IQSEC1: variants seen among roughly 807,000 people sequenced by gnomAD.
IQSEC1 encodes the protein IQ motif and Sec7 domain ArfGEF 1.
Under a neutral mutation model 91.0 loss-of-function variants are expected in IQSEC1, and 31 were observed. The observed-to-expected ratio is 0.34, with a 90% CI of 0.26 to 0.46. IQSEC1 has a LOEUF of 0.46. Among genes scored for constraint, IQSEC1 ranks in the 20% least tolerant of loss-of-function variants. The pLI, the probability that IQSEC1 is intolerant of heterozygous loss-of-function variation, is 1.00. For synonymous variants in IQSEC1, 699 were observed against 662.6 expected, an observed-to-expected ratio of 1.05 and a Z score of -0.84; for missense variants, 1,388 against 1,575.6, an observed-to-expected ratio of 0.88 and a Z score of 2.02.
rs148897346 is a variant in IQSEC1 at position 12,943,348 on chromosome 3, G to T, written c.24-1483C>A. On this transcript the variant is annotated intron_variant, in intron 1 of 13. Transcript: ENST00000613206. ...ACGAGCTCATCCCGACTCGGAACTC[G>T]CAAGCCTTTTCACTGTGTGCAGACG... Among the ~76,000 whole-genome samples the T allele has an allele frequency of 2.0e-5, 3 of 152,226 alleles. No individual in the cohort carries two copies. In the South Asian group the frequency reaches 6.2e-4, roughly 31 times the overall value.
intron 1 of IQSEC1, among the ~76,000 whole-genome samples, chr3:13,034,657 TCTCTAAA>T (rs772879996): frequency 5.9e-5 from 9 of 152,316 alleles, no homozygotes; most frequent in Non-Finnish European, 1.2e-4. Flanking sequence ...TCAGCTGCTC[TCTCTAAA>T]CCAGCCGGAT....
In IQSEC1 at chr3:13,201,477, C is replaced by A. The variant is rs147679268; in HGVS notation, c.273-37344G>T. ...ACCTGACTAGCTGGAACTATAGTTG[C>A]ATACCACCAGGCCCAGCTAATTTTA... is the stretch of plus-strand genomic sequence containing the variant. On this transcript the variant is annotated intron_variant, in intron 1 of 15. Transcript: ENST00000648114. Among the ~76,000 whole-genome samples, 103 of 152,336 alleles carry A rather than the reference C, an allele frequency of 6.8e-4. No homozygotes were observed. In the Middle Eastern group the frequency reaches 0.01, roughly 15 times the overall value.
intron 1 of IQSEC1, among the ~76,000 whole-genome samples, chr3:13,265,505 C>T (rs59860460): frequency 6.6e-6 from 1 of 152,194 alleles, no homozygotes; most frequent in African/African-American, 2.4e-5. Context: ...GAGACCAAAA[C>T]CAAATACACG....
chr3:13,214,873 C>T lies in IQSEC1; in HGVS notation c.273-50740G>A, dbSNP rs369727390. Among the ~76,000 whole-genome samples the T allele has an allele frequency of 6.6e-6, 1 of 152,244 alleles. No individual in the cohort carries two copies. The highest frequency in any genetic ancestry group is 2.4e-5 in the African/African-American group (1 of 41,460). On this transcript the variant is annotated intron_variant, in intron 1 of 15. Transcript: ENST00000648114. The surrounding 1 kb of genome is among the most constrained non-coding windows in gnomAD (Gnocchi z 4.5). ...GTTTGCAGCTGAGCGCCAGGACCGA[C>T]GTCGGGCTCTGCTGAGCACTAGCCG...
At chr3:13,125,543 CG>C (rs1209109287) in intron 2 of IQSEC1, among the ~76,000 whole-genome samples, 2 of 152,208 alleles carry the variant, frequency 1.3e-5, no homozygotes, top group Non-Finnish European at 2.9e-5. Flanking sequence ...TGCAGTGTGG[CG>C]CTTGAGAACA....
chr3:13,105,639 C>T (rs908736422), intron 2 of IQSEC1, among the ~76,000 whole-genome samples: 8 of 152,164 alleles, frequency 5.3e-5, no homozygotes, highest in Admixed American at 1.3e-4. Context: ...CTCTGTATCA[C>T]GGGCATCTAA....
At chr3:13,153,919 C>T (rs1707040332) in intron 2 of IQSEC1, among the ~76,000 whole-genome samples, 2 of 151,990 alleles carry the variant, frequency 1.3e-5, no homozygotes. Flanking sequence ...TATGAGTGTG[C>T]CTGTGGCAAA....
chr3:13,176,581 C>T (rs1693734348), intron 1 of IQSEC1, among the ~76,000 whole-genome samples: 1 of 152,166 alleles, frequency 6.6e-6, no homozygotes, highest in South Asian at 2.1e-4. Flanking sequence ...CAAAACAAGC[C>T]CCAGGTCCCA....
intron 1 of IQSEC1, among the ~76,000 whole-genome samples, chr3:12,959,267 C>A (rs1245346619): frequency 6.6e-6 from 1 of 152,186 alleles, no homozygotes; most frequent in Non-Finnish European, 1.5e-5. Context: ...GGGAGGGTGG[C>A]AGGGGCGCAG....
At chr3:13,134,745 G>A (rs1225561319) in intron 2 of IQSEC1, among the ~76,000 whole-genome samples, 1 of 152,216 alleles carries the variant, frequency 6.6e-6, no homozygotes, top group African/African-American at 2.4e-5. Flanking sequence ...CCCAGCAGCA[G>A]GGCGTTCTCA....
chr3:13,011,198 G>A (rs920014415), intron 1 of IQSEC1, among the ~76,000 whole-genome samples: 2 of 152,136 alleles, frequency 1.3e-5, no homozygotes, highest in Non-Finnish European at 2.9e-5. Context: ...CATTTCCTGA[G>A]CCCCAGGCGT....
At chr3:12,985,699 CAAGT>C (rs1701700641) in intron 1 of IQSEC1, among the ~76,000 whole-genome samples, 1 of 152,074 alleles carries the variant, frequency 6.6e-6, no homozygotes, top group Non-Finnish European at 1.5e-5. Flanking sequence ...CCAAACTGCC[CAAGT>C]ATGTCTGGGA....
intron 2 of IQSEC1, among the ~76,000 whole-genome samples, chr3:13,114,637 C>A (rs759844868): frequency 6.6e-6 from 1 of 151,672 alleles, no homozygotes; most frequent in African/African-American, 2.4e-5. Context: ...ACTAAAAATA[C>A]AAAAAATTAG....
In IQSEC1 at chr3:12,953,764, ATGT is replaced by A. The variant is rs1035741528; in HGVS notation, c.24-11902_24-11900del. Among the ~76,000 whole-genome samples, 13 of 152,222 alleles carry A rather than the reference ATGT, an allele frequency of 8.5e-5. No individual in the cohort carries two copies. In the East Asian group the frequency reaches 2.1e-3, roughly 25 times the overall value. On this transcript the variant is annotated intron_variant, in intron 1 of 13. Coordinates refer to ENST00000613206, the MANE Select transcript of IQSEC1 (RefSeq NM_001134382.3). Reference sequence around the variant, plus strand: ...GCTCCGTCAGGCATCTACCACCCTAATGTTGTCATGACAGGAGTGACAGTAACA... The same window carrying A: ...GCTCCGTCAGGCATCTACCACCCTAATGTCATGACAGGAGTGACAGTAACA...
intron 1 of IQSEC1, among the ~76,000 whole-genome samples, chr3:13,010,360 G>C (rs900844080): frequency 1.3e-5 from 2 of 152,186 alleles, no homozygotes; most frequent in Non-Finnish European, 2.9e-5. Context: ...TACCGAGCTT[G>C]GTCTATCAGA....
At chr3:13,026,422 C>A (rs73147237) in intron 1 of IQSEC1, among the ~76,000 whole-genome samples, 1 of 152,200 alleles carries the variant, frequency 6.6e-6, no homozygotes, top group East Asian at 1.9e-4. Context: ...CAAACTCAGA[C>A]GACACCTCCT....
At chr3:13,272,509 G>A (rs573914635) in intron 1 of IQSEC1, among the ~76,000 whole-genome samples, 2 of 152,370 alleles carry the variant, frequency 1.3e-5, no homozygotes, top group African/African-American at 4.8e-5. Flanking sequence ...GGGGGCATCT[G>A]TTGACTCCTT....
chr3:12,929,320 AC>A (rs1000279097), intron 3 of IQSEC1, among the ~76,000 whole-genome samples: 4 of 152,198 alleles, frequency 2.6e-5, no homozygotes, highest in African/African-American at 9.7e-5. Flanking sequence ...AGAAGAACTC[AC>A]CCGGGGTGAT....
At chr3:13,124,110 A>C (rs1167776029) in intron 2 of IQSEC1, among the ~76,000 whole-genome samples, 3 of 152,202 alleles carry the variant, frequency 2.0e-5, no homozygotes, top group African/African-American at 4.8e-5. Flanking sequence ...TTCGTTCCAC[A>C]GAAAAGACTT....
Sources: gnomAD v4.1 joint callset for allele counts (sites outside exome capture counted in the v4.1 genomes callset) on GRCh38, gnomAD v4.1.1 for gene constraint, Gnocchi (gnomAD v3.1) non-coding constraint, MANE v1.5 for transcripts, NCBI Gene and HGNC (gene_info 2026-07-23, HGNC 2026-07-21) for gene names.